Variants in KCNIP4 observed in about 807,000 individuals in gnomAD.
The protein encoded by KCNIP4 is potassium voltage-gated channel interacting protein 4.
Under a neutral mutation model 34.0 loss-of-function variants are expected in KCNIP4, and 12 were observed. The observed-to-expected ratio is 0.35, with a 90% CI of 0.23 to 0.57. KCNIP4 has a LOEUF of 0.57. Among genes scored for constraint, KCNIP4 ranks in the 20% least tolerant of loss-of-function variants. KCNIP4 has a pLI of 0.83. For synonymous variants in KCNIP4, 124 were observed against 102.2 expected, an observed-to-expected ratio of 1.21 and a Z score of -1.29; for missense variants, 238 against 311.7, an observed-to-expected ratio of 0.76 and a Z score of 1.78.
At chr4:20,872,675 A>T (rs1723610524) in intron 2 of KCNIP4, among the ~76,000 whole-genome samples, 1 of 152,152 alleles carries the variant, frequency 6.6e-6, no homozygotes, top group Non-Finnish European at 1.5e-5. Context: ...CCATTATGAA[A>T]ATATTACATA....
intron 2 of KCNIP4, among the ~76,000 whole-genome samples, chr4:20,861,769 T>C (rs941573899): frequency 3.1e-4 from 47 of 152,060 alleles, no homozygotes; most frequent in Admixed American, 1.3e-4. Flanking sequence ...CAATCACTTA[T>C]GAAATATAAC....
At chr4:21,011,673 A>G (rs1739078859) in intron 1 of KCNIP4, among the ~76,000 whole-genome samples, 1 of 152,244 alleles carries the variant, frequency 6.6e-6, no homozygotes, top group South Asian at 2.1e-4. Flanking sequence ...TACTTGCTTT[A>G]TCTCCAAATC....
intron 1 of KCNIP4, among the ~76,000 whole-genome samples, chr4:21,616,410 C>T (rs758927831): frequency 1.3e-5 from 2 of 152,182 alleles, no homozygotes; most frequent in African/African-American, 2.4e-5. Context: ...TCAGCACCAC[C>T]GGTGCAGAAG....
At chr4:21,460,962 G>T (rs373418942) in intron 1 of KCNIP4, among the ~76,000 whole-genome samples, 1 of 152,036 alleles carries the variant, frequency 6.6e-6, no homozygotes, top group East Asian at 1.9e-4. Context: ...GAGAAATACA[G>T]AAACGGAGAG....
chr4:20,937,667 C>T (rs1029741731), intron 1 of KCNIP4, among the ~76,000 whole-genome samples: 4 of 152,086 alleles, frequency 2.6e-5, no homozygotes, highest in East Asian at 1.9e-4. Flanking sequence ...AAGAAAGCAC[C>T]AAAACCTCTT....
chr4:21,340,483 A>G (rs902286078), intron 1 of KCNIP4, among the ~76,000 whole-genome samples: 1 of 152,156 alleles, frequency 6.6e-6, no homozygotes, highest in South Asian at 2.1e-4. Context: ...TTGTTCTGAT[A>G]TGTATAGAAT....
At chr4:20,889,073 T>C (rs1386767396) in intron 1 of KCNIP4, among the ~76,000 whole-genome samples, 1 of 152,128 alleles carries the variant, frequency 6.6e-6, no homozygotes, top group Non-Finnish European at 1.5e-5. Context: ...TTGCTGTGAA[T>C]TTTTTTGTCA....
intron 1 of KCNIP4, among the ~76,000 whole-genome samples, chr4:21,633,674 T>C (rs1181489376): frequency 6.6e-6 from 1 of 152,150 alleles, no homozygotes; most frequent in African/African-American, 2.4e-5. Flanking sequence ...TTAGGACCTA[T>C]TGACACTTTC....
chr4:21,255,446 A>G (rs1167368812), intron 1 of KCNIP4, among the ~76,000 whole-genome samples: 2 of 151,992 alleles, frequency 1.3e-5, no homozygotes, highest in African/African-American at 4.8e-5. Flanking sequence ...TCAAAAATCC[A>G]TCTTCAGGCC....
intron 1 of KCNIP4, among the ~76,000 whole-genome samples, chr4:21,506,255 A>T (rs917931934): frequency 1.3e-5 from 2 of 152,112 alleles, no homozygotes; most frequent in South Asian, 4.1e-4. Flanking sequence ...CAGAATGTAG[A>T]TGTTGAAGCC....
At chr4:21,080,507 A>G (rs1745910022) in intron 1 of KCNIP4, among the ~76,000 whole-genome samples, 1 of 151,844 alleles carries the variant, frequency 6.6e-6, no homozygotes, top group South Asian at 2.1e-4. Flanking sequence ...GTTCGTTATT[A>G]TGCTTACCTT....
chr4:21,648,400 G>C (rs1196303717), intron 1 of KCNIP4, among the ~76,000 whole-genome samples: 4 of 152,158 alleles, frequency 2.6e-5, no homozygotes, highest in Non-Finnish European at 4.4e-5. Flanking sequence ...GTATGAATAT[G>C]TTATAGTTCA....
chr4:21,137,763 A>C (rs1199023050), intron 1 of KCNIP4, among the ~76,000 whole-genome samples: 1 of 151,874 alleles, frequency 6.6e-6, no homozygotes, highest in Admixed American at 6.6e-5. Flanking sequence ...GAAATAGGAA[A>C]TTTTTCCATA....
intron 1 of KCNIP4, among the ~76,000 whole-genome samples, chr4:21,511,813 C>T (rs951191040): frequency 6.6e-6 from 1 of 152,150 alleles, no homozygotes; most frequent in Admixed American, 6.6e-5. Context: ...GCCTGCTTTA[C>T]ATTCTATTTT....
intron 1 of KCNIP4, among the ~76,000 whole-genome samples, chr4:21,404,519 G>A (rs1474005945): frequency 6.6e-6 from 1 of 151,862 alleles, no homozygotes; most frequent in Non-Finnish European, 1.5e-5. Context: ...CTATTCCCAA[G>A]TATTCCAAAC....
intron 2 of KCNIP4, 60 bp downstream of exon 2, chr4:20,882,548 G>A: frequency 1.7e-6 from 2 of 1,163,090 alleles, no homozygotes; most frequent in South Asian, 2.5e-5. Flanking sequence ...AATGCATGCA[G>A]GCCTAAAGAA....
chr4:21,114,137 G>T (rs10007120), intron 1 of KCNIP4, among the ~76,000 whole-genome samples: 44,993 of 151,998 alleles, frequency 0.3, 7,435 homozygotes, highest in African/African-American at 0.45. Context: ...ATATGATAAA[G>T]AAAATAGACA....
intron 3 of KCNIP4, among the ~76,000 whole-genome samples, chr4:20,772,577 AG>A (rs1755997721): frequency 6.6e-6 from 1 of 152,118 alleles, no homozygotes; most frequent in Non-Finnish European, 1.5e-5. Context: ...AGGACAGGTC[AG>A]ATTCAGCTCT....
intron 1 of KCNIP4, among the ~76,000 whole-genome samples, chr4:21,741,887 A>C (rs1577927353): frequency 6.6e-6 from 1 of 152,022 alleles, no homozygotes; most frequent in Non-Finnish European, 1.5e-5. Context: ...AAATACAAAA[A>C]TTAGCTGGGC....
Sources: gnomAD v4.1 joint callset for allele counts (sites outside exome capture counted in the v4.1 genomes callset) on GRCh38, gnomAD v4.1.1 for gene constraint, MANE v1.5 for transcripts, NCBI Gene and HGNC (gene_info 2026-07-23, HGNC 2026-07-21) for gene names.